Variants in RMND1 observed in about 807,000 individuals in gnomAD.
The protein encoded by RMND1 is required for meiotic nuclear division 1 homolog.
Under a neutral mutation model 54.0 loss-of-function variants are expected in RMND1, and 41 were observed. The ratio of observed to expected loss-of-function variants is 0.76; its 90% CI spans 0.59 to 0.98. The LOEUF is 0.98. Among genes scored for constraint, RMND1 ranks in the 50% least tolerant of loss-of-function variants. The pLI, the probability that RMND1 is intolerant of heterozygous loss-of-function variation, is 0.00. For missense variants in RMND1, 457 were observed against 532.0 expected (o/e 0.86, Z 1.39); for synonymous variants, 183 against 181.7 (o/e 1.01, Z -0.06).
chr6:151,423,729 G>C, intron 6 of RMND1, 98 bp from the exon 7 acceptor site: 1 of 812,682 alleles, frequency 1.2e-6, no homozygotes, highest in Non-Finnish European at 2.1e-6. Flanking sequence ...AGGTCATTTT[G>C]ACAATTTGTA....
chr6:151,418,792 CAG>C (rs374605262), intron 9 of RMND1, among the ~76,000 whole-genome samples: 295 of 152,090 alleles, frequency 1.9e-3, no homozygotes, highest in African/African-American at 6.8e-3. Context: ...TTTTCTGAGA[CAG>C]AGTTTTGTTC....
intron 1 of RMND1, among the ~76,000 whole-genome samples, chr6:151,447,411 C>T (rs1562802080): frequency 1.3e-5 from 2 of 152,178 alleles, no homozygotes; most frequent in Non-Finnish European, 2.9e-5. Flanking sequence ...AAGTGCTCGG[C>T]TTCACCTCAT....
chr6:151,417,421 C>G, intron 9 of RMND1, 22 bp from the exon 10 acceptor site: 3 of 1,514,416 alleles, frequency 2.0e-6, no homozygotes, highest in Non-Finnish European at 2.7e-6. Flanking sequence ...AAAATTATAA[C>G]TTTTTATTTA....
At chr6:151,434,546 AC>A (rs1201153224) in intron 3 of RMND1, among the ~76,000 whole-genome samples, 3 of 152,200 alleles carry the variant, frequency 2.0e-5, no homozygotes, top group Non-Finnish European at 4.4e-5. Flanking sequence ...CACAGACCAC[AC>A]AGCTGGCAGC....
At position 151,445,622 on chromosome 6, in the gene RMND1, T is replaced by C. The variant is rs1260124757; in HGVS notation, c.190A>G (p.Lys64Glu). The change falls in exon 2 of 12, where the codon AAG becomes GAG. Residue 64 changes from lysine to glutamate, a missense_variant. Physicochemically the swap from Lys to Glu is moderately conservative, Grantham distance 56. Transcript: ENST00000444024. ...LPDKTASGLNKSQILEMNQKK... is the reference protein window; with the variant it reads ...LPDKTASGLNESQILEMNQKK... Reference sequence around the variant, plus strand: ...TGGTTCATTTCCAGGATCTGAGACTTATTCAAACCACTAGCTGTTTTATCA... The same window carrying C: ...TGGTTCATTTCCAGGATCTGAGACTCATTCAAACCACTAGCTGTTTTATCA... The C allele has an allele frequency of 6.2e-7, 1 of 1,614,216 alleles. No homozygotes were observed. Among genetic ancestry groups the C allele is most frequent in the Non-Finnish European group, 8.5e-7 (1 of 1,180,022 alleles).
Position 151,445,636 on chromosome 6 carries a change from G to A in RMND1, c.176C>T (p.Ala59Val), listed in dbSNP as rs1031864539. The change falls in exon 2 of 12, where the codon GCT (alanine) becomes GTT (valine). Residue 59 changes from alanine (A) to valine (V), a missense_variant. Coordinates refer to ENST00000444024, the MANE Select transcript of RMND1 (RefSeq NM_017909.4). ...GATCTGAGACTTATTCAAACCACTA[G>A]CTGTTTTATCAGGAAGGAACAAATC... ...SLDLFLPDKTASGLNKSQILE... is the reference protein window; with the variant it reads ...SLDLFLPDKTVSGLNKSQILE... 6.2e-7 allele frequency: 1 copy of A among 1,614,160 alleles called. No individual in the cohort carries two copies. Among genetic ancestry groups the A allele is most frequent in the African/African-American group, 1.3e-5 (1 of 75,038 alleles).
intron 1 of RMND1, among the ~76,000 whole-genome samples, chr6:151,449,392 C>A (rs567024458): frequency 1.3e-5 from 2 of 150,004 alleles, no homozygotes; most frequent in Non-Finnish European, 3.0e-5. Context: ...AAAAGCTAAA[C>A]CCCTCAGAAT....
intron 10 of RMND1, chr6:151,413,706 C>G: frequency 6.6e-6 from 1 of 152,236 alleles, no homozygotes; most frequent in East Asian, 1.9e-4. Flanking sequence ...AAGTCCAGTG[C>G]TTTTCATGTT....
chr6:151,426,290 A>T (rs962389478), intron 6 of RMND1, among the ~76,000 whole-genome samples: 1 of 152,156 alleles, frequency 6.6e-6, no homozygotes, highest in Non-Finnish European at 1.5e-5. Flanking sequence ...ATATTTCACT[A>T]GACAGGTAAC....
intron 7 of RMND1, among the ~76,000 whole-genome samples, chr6:151,423,287 A>G (rs990609390): frequency 5.3e-5 from 8 of 152,330 alleles, no homozygotes; most frequent in East Asian, 3.9e-4. Flanking sequence ...TATAATCATC[A>G]TCTAAAAAAT....
At chr6:151,406,647 G>A (rs1487497767) in intron 10 of RMND1, among the ~76,000 whole-genome samples, 1 of 152,124 alleles carries the variant, frequency 6.6e-6, no homozygotes, top group Admixed American at 6.5e-5. Context: ...ACCGTGCCAG[G>A]CCTGGATGTG....
At chr6:151,436,059 C>A (rs1186938146) in intron 3 of RMND1, among the ~76,000 whole-genome samples, 4 of 150,674 alleles carry the variant, frequency 2.7e-5, no homozygotes, top group African/African-American at 9.7e-5. Context: ...GAGCTGAGAT[C>A]GCGCCATTGC....
intron 6 of RMND1, among the ~76,000 whole-genome samples, chr6:151,424,771 G>A (rs1230412305): frequency 3.3e-5 from 5 of 151,986 alleles, no homozygotes; most frequent in African/African-American, 7.3e-5. Flanking sequence ...GGGGAAGAGC[G>A]GAATGTGTGA....
At chr6:151,443,468 C>T (rs1456468694) in intron 2 of RMND1, among the ~76,000 whole-genome samples, 3 of 152,090 alleles carry the variant, frequency 2.0e-5, no homozygotes, top group Non-Finnish European at 2.9e-5. Flanking sequence ...TGCACCACTA[C>T]GCCTGGCTAA....
At chr6:151,410,094 A>G (rs143671152) in intron 10 of RMND1, among the ~76,000 whole-genome samples, 250 of 147,042 alleles carry the variant, frequency 1.7e-3, no homozygotes, top group East Asian at 0.016. Context: ...TTGCTCTGTC[A>G]CCCAGGCTGG....
Position 151,405,748 on chromosome 6 carries a change from C to G in RMND1, c.1289G>C (p.Trp430Ser), listed in dbSNP as rs755793918. 158 of 1,590,844 alleles carry G rather than the reference C, an allele frequency of 9.9e-5. No homozygotes were observed. The highest frequency in any genetic ancestry group is 3.3e-4 in the Middle Eastern group (2 of 6,046). Residue 430 changes from tryptophan to serine, a missense_variant, in exon 11 of 12, where the codon TGG (tryptophan) becomes TCG (serine). Transcript: ENST00000444024. ...LNEKRALRLEWMIVILITIEV... is the reference protein window; with the variant it reads ...LNEKRALRLESMIVILITIEV... ...TATGGTAATGAGGATGACAATCATC[C>G]ACTCCAAGCGGAGTGCCCTCTTCTC...
Position 151,433,157 on chromosome 6 carries a change from G to C in RMND1, c.687C>G (p.Phe229Leu), listed in dbSNP as rs752603773. ...ATGGGGTTTCTTTCCTGTCTTACCT[G>C]AAGAAGAATATTGTTCCAGGATCAC... ...KEGDPGTIFF[F>L]REGAAVFWNV... Residue 229 changes from phenylalanine (F) to leucine (L), a missense_variant and splice_region_variant, in exon 4 of 12, where the codon TTC (phenylalanine) becomes TTG (leucine). By Grantham distance (22) the Phe-to-Leu change is conservative. Coordinates refer to ENST00000444024, the MANE Select transcript of RMND1 (RefSeq NM_017909.4). The C allele has an allele frequency of 6.2e-7, 1 of 1,606,182 alleles. No homozygotes were observed. The highest frequency in any genetic ancestry group is 1.7e-5 in the Admixed American group (1 of 59,348).
chr6:151,422,650 C>G (rs1780185716), intron 7 of RMND1, 45 bp from the exon 8 acceptor site: 2 of 941,898 alleles, frequency 2.1e-6, no homozygotes, highest in Non-Finnish European at 3.2e-6. Flanking sequence ...TCATCATATT[C>G]ACATGTATAT....
At chr6:151,409,463 G>A (rs1040948752) in intron 10 of RMND1, among the ~76,000 whole-genome samples, 2 of 152,046 alleles carry the variant, frequency 1.3e-5, no homozygotes, top group African/African-American at 4.8e-5. Context: ...AACTGAAAAG[G>A]TTTACCATTT....
Sources: allele counts gnomAD v4.1 joint callset (sites outside exome capture counted in the v4.1 genomes callset), GRCh38; gene constraint gnomAD v4.1.1; transcripts MANE v1.5; gene names NCBI Gene and HGNC (gene_info 2026-07-23, HGNC 2026-07-21).